SHOC2: variants seen among roughly 807,000 people sequenced by gnomAD.
SHOC2 encodes the protein SHOC2 leucine rich repeat scaffold protein, also known as leucine-rich repeat protein SHOC-2.
A neutral mutation model predicts 50.2 loss-of-function variants in SHOC2; 4 were observed. The observed-to-expected ratio is 0.08, with a 90% CI of 0.04 to 0.18. SHOC2 has a LOEUF of 0.18. Ranked by LOEUF, SHOC2 falls within the 10% of genes least tolerant of loss-of-function variation. SHOC2 has a pLI of 1.00. For missense variants in SHOC2, 388 were observed against 669.6 expected (o/e 0.58, Z 4.64); for synonymous variants, 218 against 244.5 (o/e 0.89, Z 1.01).
At chr10:110,983,563 C>T (rs1848023888) in intron 2 of SHOC2, among the ~76,000 whole-genome samples, 1 of 152,100 alleles carries the variant, frequency 6.6e-6, no homozygotes, top group African/African-American at 2.4e-5. Context: ...TTGTAGAGTT[C>T]ACTGGCATTA....
At chr10:110,962,675 A>G (rs1847594312) in intron 1 of SHOC2, among the ~76,000 whole-genome samples, 1 of 152,188 alleles carries the variant, frequency 6.6e-6, no homozygotes, top group South Asian at 2.1e-4. Context: ...ACACATTTTC[A>G]GTGTCCCGTG....
At chr10:110,969,297 T>C (rs1847733325) in intron 2 of SHOC2, among the ~76,000 whole-genome samples, 1 of 152,188 alleles carries the variant, frequency 6.6e-6, no homozygotes, top group Admixed American at 6.5e-5. Context: ...CTTCACTCTA[T>C]ACAAAGACAG....
At chr10:110,979,556 C>T (rs1590815247) in intron 2 of SHOC2, among the ~76,000 whole-genome samples, 1 of 152,168 alleles carries the variant, frequency 6.6e-6, no homozygotes, top group Non-Finnish European at 1.5e-5. Context: ...TAACTTTGGT[C>T]TCCCTGTATG....
intron 1 of SHOC2, among the ~76,000 whole-genome samples, chr10:110,925,835 T>C (rs1402899474): frequency 6.6e-6 from 1 of 152,242 alleles, no homozygotes; most frequent in Non-Finnish European, 1.5e-5. Context: ...CTCCATTCCC[T>C]GCAGAGTGCC....
intron 2 of SHOC2, among the ~76,000 whole-genome samples, chr10:110,976,992 A>G (rs998221762): frequency 3.9e-5 from 6 of 152,060 alleles, no homozygotes; most frequent in African/African-American, 4.8e-5. Flanking sequence ...TTGTTGCTGT[A>G]TATCATTTCT....
chr10:110,957,536 C>CG (rs1400021909), intron 1 of SHOC2, among the ~76,000 whole-genome samples: 2 of 149,244 alleles, frequency 1.3e-5, no homozygotes, highest in East Asian at 2.1e-4. Flanking sequence ...GAAGATACCC[C>CG]CCCCCCAGCC....
intron 1 of SHOC2, among the ~76,000 whole-genome samples, chr10:110,956,364 C>T (rs1847463258): frequency 6.6e-6 from 1 of 152,144 alleles, no homozygotes; most frequent in African/African-American, 2.4e-5. Flanking sequence ...AGGTGCGCGC[C>T]AGCACACCTG....
chr10:111,009,074 A>G (rs1358173849), intron 6 of SHOC2, among the ~76,000 whole-genome samples, 174 bp from the exon 7 acceptor site: 1 of 152,106 alleles, frequency 6.6e-6, no homozygotes, highest in African/African-American at 2.4e-5. Flanking sequence ...TCTAATAACT[A>G]TGGTGTTTTT....
Position 111,007,370 on chromosome 10 carries a change from C to T in SHOC2, c.1162-161C>T, listed in dbSNP as rs1848489323. On this transcript the variant is annotated intron_variant, in intron 5 of 8. Transcript: ENST00000369452. The stretch of plus-strand genomic sequence containing the variant: ...ATTACTGTATAAAAAACTTTGGAGG[C>T]TTAGAGTTTTCTGTTGCTGATTTTT... Among the ~76,000 whole-genome samples the T allele has an allele frequency of 2.0e-5, 3 of 152,048 alleles. 1 individual carries two copies. The highest frequency in any genetic ancestry group is 2.0e-4 in the Admixed American group (3 of 15,268).
At chr10:110,938,552 A>G (rs967818779) in intron 1 of SHOC2, among the ~76,000 whole-genome samples, 1 of 152,164 alleles carries the variant, frequency 6.6e-6, no homozygotes, top group Non-Finnish European at 1.5e-5. Context: ...AGCAGTTGAA[A>G]CACTGTGAGA....
chr10:110,923,778 T>G (rs138075251), intron 1 of SHOC2, among the ~76,000 whole-genome samples: 2 of 152,322 alleles, frequency 1.3e-5, no homozygotes, highest in East Asian at 3.8e-4. Context: ...CTGACATATT[T>G]TTATAAATTA....
intron 2 of SHOC2, among the ~76,000 whole-genome samples, chr10:110,983,452 T>C (rs531835039): frequency 6.6e-4 from 100 of 152,306 alleles, no homozygotes; most frequent in Admixed American, 1.8e-3. Flanking sequence ...AAAAATTTAG[T>C]GCTATAAACT....
chr10:110,978,786 C>T (rs947976419), intron 2 of SHOC2, among the ~76,000 whole-genome samples: 2 of 152,168 alleles, frequency 1.3e-5, no homozygotes, highest in African/African-American at 4.8e-5. Flanking sequence ...ACCTTGAATT[C>T]CAGTCACTCT....
chr10:110,956,742 A>G (rs1386914981), intron 1 of SHOC2, among the ~76,000 whole-genome samples: 1 of 152,156 alleles, frequency 6.6e-6, no homozygotes, highest in Admixed American at 6.5e-5. Context: ...GTTACCTTAT[A>G]TAATCATTGT....
intron 3 of SHOC2, among the ~76,000 whole-genome samples, chr10:110,992,351 A>G (rs1848200019): frequency 6.6e-6 from 1 of 152,168 alleles, no homozygotes; most frequent in Admixed American, 6.5e-5. Context: ...AAAAAGTATT[A>G]TTTTATATGA....
chr10:110,953,142 A>G (rs557124236), intron 1 of SHOC2, among the ~76,000 whole-genome samples: 25 of 152,332 alleles, frequency 1.6e-4, no homozygotes, highest in Non-Finnish European at 3.2e-4. Flanking sequence ...GAATCGCCAC[A>G]CTGTCTTCCC....
chr10:110,921,281 CTGAG>C (rs777767554), intron 1 of SHOC2, among the ~76,000 whole-genome samples: 11 of 152,128 alleles, frequency 7.2e-5, no homozygotes, highest in South Asian at 2.1e-4. Context: ...GGAACTTAGA[CTGAG>C]TATGATAAGC....
chr10:110,964,709 A>C lies in SHOC2; in HGVS notation c.351A>C (p.Ser117=), dbSNP rs1847640105. 1 of 1,614,178 alleles carries C rather than the reference A, an allele frequency of 6.2e-7. No individual in the cohort carries two copies. Among genetic ancestry groups the C allele is most frequent in the Admixed American group, 1.7e-5 (1 of 60,008 alleles). The change falls in exon 2 of 9, where the codon TCA becomes TCC. Residue 117 remains serine (S), a synonymous_variant. Coordinates refer to ENST00000369452, the MANE Select transcript of SHOC2 (RefSeq NM_007373.4). The surrounding 1 kb of genome is among the most constrained non-coding windows in gnomAD (Gnocchi z 4.9). ...AGAGATCTATACACATATTGCCATCATCAATCAAAGAGTTGACTCAATTAA... is the reference window on the plus strand; with the variant it reads ...AGAGATCTATACACATATTGCCATCCTCAATCAAAGAGTTGACTCAATTAA... ...LSKRSIHILP[S]SIKELTQLTE...
chr10:110,953,939 C>T (rs1448646121), intron 1 of SHOC2, among the ~76,000 whole-genome samples: 2 of 150,760 alleles, frequency 1.3e-5, no homozygotes, highest in African/African-American at 4.9e-5. Flanking sequence ...TAAGTGAAGT[C>T]ATCTATCTTG....
Sources: gnomAD v4.1 joint callset for allele counts (sites outside exome capture counted in the v4.1 genomes callset) on GRCh38, gnomAD v4.1.1 for gene constraint, Gnocchi (gnomAD v3.1) non-coding constraint, MANE v1.5 for transcripts, NCBI Gene and HGNC (gene_info 2026-07-23, HGNC 2026-07-21) for gene names.